MARS1: variants seen among roughly 807,000 people sequenced by gnomAD.
MARS1 encodes methionyl-tRNA synthetase 1.
In MARS1, 80 loss-of-function variants were observed where a neutral mutation model predicts 119.5. The observed-to-expected ratio is 0.67, with a 90% CI of 0.56 to 0.81. The LOEUF (loss-of-function observed/expected upper bound fraction) is 0.81, where lower values mean the gene tolerates loss of function less well. MARS1 is among the 30% of genes least tolerant of loss of function. The pLI is 0.00. For missense variants in MARS1, 945 were observed against 1,116.5 expected (o/e 0.85, Z 2.19); for synonymous variants, 418 against 433.4 (o/e 0.96, Z 0.44).
chr12:57,489,689 C>T, intron 4 of MARS1, 131 bp downstream of exon 4: 1 of 1,301,410 alleles, frequency 7.7e-7, no homozygotes, highest in Non-Finnish European at 1.1e-6. Context: ...ATCACTTAAT[C>T]TCTCTAATCC....
intron 7 of MARS1, among the ~76,000 whole-genome samples, chr12:57,495,711 A>G (rs892954390): frequency 7.9e-5 from 12 of 152,232 alleles, no homozygotes; most frequent in Admixed American, 7.9e-4. Context: ...CCTGGGCAAC[A>G]TTGAGCACTG....
intron 7 of MARS1, among the ~76,000 whole-genome samples, chr12:57,497,297 G>A (rs1876681537): frequency 6.6e-6 from 1 of 152,194 alleles, no homozygotes; most frequent in Non-Finnish European, 1.5e-5. Flanking sequence ...GAAATAAGCT[G>A]TAAATGTTCT....
At chr12:57,496,146 G>C (rs188543841) in intron 7 of MARS1, among the ~76,000 whole-genome samples, 144 of 151,820 alleles carry the variant, frequency 9.5e-4, no homozygotes, top group African/African-American at 3.4e-3. Context: ...TTACAGGCAT[G>C]AGCCACTGCA....
intron 10 of MARS1, among the ~76,000 whole-genome samples, chr12:57,500,935 T>C (rs928217647): frequency 2.0e-5 from 3 of 152,252 alleles, no homozygotes; most frequent in Admixed American, 2.0e-4. Flanking sequence ...TGGCAATGAA[T>C]AAGACAGATT....
At chr12:57,499,608 A>G (rs926573871) in intron 9 of MARS1, among the ~76,000 whole-genome samples, 1 of 149,402 alleles carries the variant, frequency 6.7e-6, no homozygotes, top group Non-Finnish European at 1.5e-5. Flanking sequence ...TCTCAAAAAA[A>G]AAAAAAAAAG....
At chr12:57,497,713 C>G (rs496245) in intron 7 of MARS1, among the ~76,000 whole-genome samples, 24,572 of 151,846 alleles carry the variant, frequency 0.16, 2,117 homozygotes, top group East Asian at 0.27. Context: ...GGCTGGTGAG[C>G]TCTTTGGATT....
Position 57,493,926 on chromosome 12 carries a change from ATATAT to A in MARS1, c.770+3288_770+3292del, listed in dbSNP as rs1329085078. On this transcript the variant is annotated intron_variant, in intron 7 of 20. Coordinates refer to ENST00000262027, the MANE Select transcript of MARS1 (RefSeq NM_004990.4). ...ATATAATATATATAATATATATAATATATATTATATATTATATATATATTTTTTAA... is the reference window on the plus strand; with the variant it reads ...ATATAATATATATAATATATATAATATATATATTATATATATATTTTTTAA... Among the ~76,000 whole-genome samples the A allele has an allele frequency of 7.7e-4, 50 of 65,308 alleles. 1 individual carries two copies. Among genetic ancestry groups the A allele is most frequent in the African/African-American group, 3.0e-3 (43 of 14,108 alleles). The allele number at this position is 65,308 out of a possible 152,430, so 42.8% of individuals were successfully genotyped here.
At position 57,488,182 on chromosome 12, in the gene MARS1, G is replaced by A; in HGVS notation, c.92G>A (p.Ser31Asn). ...RARGRAEVLI[S>N]TVGPEDCVVP... is the part of the protein sequence containing the mutation. ...CGGGGCAGAGCAGAGGTGCTCATCA[G>A]CACTGTAGGCCCGGAAGGTACTCGT... The change falls in exon 1 of 21, where the codon AGC becomes AAC. Residue 31 changes from serine to asparagine, a missense_variant. Physicochemically the swap from Ser to Asn is conservative, Grantham distance 46 (BLOSUM62 1). Transcript: ENST00000262027. 6.2e-7 allele frequency: 1 copy of A among 1,613,764 alleles called. No individual in the cohort carries two copies. Among genetic ancestry groups the A allele is most frequent in the Non-Finnish European group, 8.5e-7 (1 of 1,179,770 alleles).
At position 57,489,441 on chromosome 12, in the gene MARS1, C is replaced by T. The variant is rs777764895; in HGVS notation, c.297C>T (p.Ala99=). The change falls in exon 4 of 21, where the codon GCC becomes GCT. Residue 99 remains alanine (A), a synonymous_variant. Transcript: ENST00000262027. The part of the protein sequence containing the change: ...ATELQPALSA[A]LYYLVVQGKK... Reference sequence around the variant, plus strand: ...CATTTTAGCCAGCTTTGTCTGCTGCCCTGTACTATTTAGTGGTCCAAGGCA... The same window carrying T: ...CATTTTAGCCAGCTTTGTCTGCTGCTCTGTACTATTTAGTGGTCCAAGGCA... 4 of 1,614,132 alleles carry T rather than the reference C, an allele frequency of 2.5e-6. No individual in the cohort carries two copies. In the South Asian group the frequency reaches 3.3e-5, roughly 13 times the overall value.
chr12:57,507,140 A>C lies in MARS1; in HGVS notation c.1368+2841A>C, dbSNP rs181290618. On this transcript the variant is annotated intron_variant, in intron 11 of 20. Coordinates refer to ENST00000262027, the MANE Select transcript of MARS1 (RefSeq NM_004990.4). ...CCATTTAACCCTGAGTGGACACAGC[A>C]CATGTTTCAGAGAGCACAGGGTTGG... Among the ~76,000 whole-genome samples the C allele has an allele frequency of 4.7e-3, 720 of 152,022 alleles. 40 individuals are homozygous for C. In the East Asian group the frequency reaches 0.11, roughly 24 times the overall value.
chr12:57,496,582 C>A (rs1043479665), intron 7 of MARS1, among the ~76,000 whole-genome samples: 3 of 151,816 alleles, frequency 2.0e-5, no homozygotes, highest in African/African-American at 7.3e-5. Context: ...AGTTCGAGAC[C>A]AGTCCTGTCA....
Position 57,489,529 on chromosome 12 carries a change from A to G in MARS1, c.385A>G (p.Ser129Gly), listed in dbSNP as rs1232744286. ...CCTGACTCACATTGACCACAGCTTG[A>G]GTCGTCAGAACTGTCCTTTCCTGGC... ...RALTHIDHSL[S>G]RQNCPFLAGE... Residue 129 changes from serine to glycine, a missense_variant, in exon 4 of 21, where the codon AGT becomes GGT. Coordinates refer to ENST00000262027, the MANE Select transcript of MARS1 (RefSeq NM_004990.4). 6.2e-7 allele frequency: 1 copy of G among 1,614,176 alleles called. No homozygotes were observed.
At position 57,490,564 on chromosome 12, in the gene MARS1, G is replaced by A; in HGVS notation, c.690G>A (p.Glu230=). The change falls in exon 7 of 21, where the codon GAG becomes GAA. Residue 230 remains glutamate, a synonymous_variant. Transcript: ENST00000262027. ...AGGAGGAGCTGGCTACCCTATCTGAGGAGGAGATTGCTATGGCTGTTACTG... is the reference window on the plus strand; with the variant it reads ...AGGAGGAGCTGGCTACCCTATCTGAAGAGGAGATTGCTATGGCTGTTACTG... The part of the protein sequence containing the change: ...PEEEELATLS[E]EEIAMAVTAW... 6.2e-7 allele frequency: 1 copy of A among 1,614,158 alleles called. No individual in the cohort carries two copies. Among genetic ancestry groups the A allele is most frequent in the Non-Finnish European group, 8.5e-7 (1 of 1,180,038 alleles).
intron 7 of MARS1, among the ~76,000 whole-genome samples, chr12:57,493,357 TATG>T (rs1488407911): frequency 2.0e-5 from 2 of 97,914 alleles, no homozygotes; most frequent in Non-Finnish European, 3.7e-5. Flanking sequence ...ATATATATTA[TATG>T]ATATGTATAA....
At chr12:57,509,308 A>C (rs1209115012) in intron 11 of MARS1, among the ~76,000 whole-genome samples, 3 of 152,214 alleles carry the variant, frequency 2.0e-5, no homozygotes, top group Non-Finnish European at 4.4e-5. Context: ...AGTAGGGAAC[A>C]GTATTAGATA....
chr12:57,511,691 A>G lies in MARS1; in HGVS notation c.1369-7A>G, dbSNP rs377050640. ...CCTAAATCAGCCCTCTTTCTCCGTT[A>G]TCTCAGCTGGAGAAGCGACTGGAGG... On this transcript the variant is annotated splice_region_variant and splice_polypyrimidine_tract_variant and intron_variant, in intron 11 of 20. Transcript: ENST00000262027. 1 of 1,613,906 alleles carries G rather than the reference A, an allele frequency of 6.2e-7. No individual in the cohort carries two copies. The highest frequency in any genetic ancestry group is 8.5e-7 in the Non-Finnish European group (1 of 1,179,892).
Position 57,489,108 on chromosome 12 carries a change from C to A in MARS1, c.199C>A (p.Arg67=). The A allele has an allele frequency of 6.2e-7, 1 of 1,613,846 alleles. No homozygotes were observed. Among genetic ancestry groups the A allele is most frequent in the Non-Finnish European group, 8.5e-7 (1 of 1,179,808 alleles). ...NYLFSTSAIC[R]YFFLLSGWEQ... is the part of the protein sequence containing the mutation. ...CCTCTTCTCCACTAGTGCAATCTGC[C>A]GGTCAGTATTGGTCCTTGGTGTAGG... Residue 67 remains arginine (R), a splice_region_variant and synonymous_variant, in exon 2 of 21, where the codon CGA becomes AGA. Coordinates refer to ENST00000262027, the MANE Select transcript of MARS1 (RefSeq NM_004990.4).
intron 11 of MARS1, among the ~76,000 whole-genome samples, chr12:57,508,106 A>G (rs187817670): frequency 0.18 from 27,378 of 150,926 alleles, 2,703 homozygotes; most frequent in East Asian, 0.29. Context: ...ATGGGATGGC[A>G]GCTGGGAAGA....
rs909024597 is a variant in MARS1 at position 57,488,075 on chromosome 12, A to G, written c.-16A>G. 1.2e-6 allele frequency: 2 copies of G among 1,610,564 alleles called. No individual in the cohort carries two copies. Among genetic ancestry groups the G allele is most frequent in the African/African-American group, 2.7e-5 (2 of 74,862 alleles). On this transcript the variant is annotated 5_prime_UTR_variant, in exon 1 of 21. Coordinates refer to ENST00000262027, the MANE Select transcript of MARS1 (RefSeq NM_004990.4). ...GAGGCCGGTTCCGGTTGCATCAGCG[A>G]GGGATTCACGGCGAAATGAGACTGT...
Sources: gnomAD v4.1 joint callset for allele counts (sites outside exome capture counted in the v4.1 genomes callset) on GRCh38, gnomAD v4.1.1 for gene constraint, MANE v1.5 for transcripts, NCBI Gene and HGNC (gene_info 2026-07-23, HGNC 2026-07-21) for gene names.